The following CLIC5 variants were observed in gnomAD, a reference collection of about 807,000 sequenced individuals.
CLIC5 encodes CLIC family member 5.
A neutral mutation model predicts 24.7 loss-of-function variants in CLIC5; 20 were observed. The ratio of observed to expected loss-of-function variants is 0.81; its 90% CI spans 0.57 to 1.18. The LOEUF (loss-of-function observed/expected upper bound fraction) is 1.18, where lower values mean the gene tolerates loss of function less well. Among genes scored for constraint, CLIC5 ranks in the 50% most tolerant of loss-of-function variants. The probability of loss-of-function intolerance (pLI) is 0.00; values close to 1 mark genes in which losing one functional copy is unlikely to be tolerated. For synonymous variants in CLIC5, 159 were observed against 135.6 expected, an observed-to-expected ratio of 1.17 and a Z score of -1.20; for missense variants, 341 against 326.1, an observed-to-expected ratio of 1.05 and a Z score of -0.35.
chr6:46,027,303 G>A (rs1347869430), intron 1 of CLIC5, among the ~76,000 whole-genome samples: 2 of 152,176 alleles, frequency 1.3e-5, no homozygotes, highest in African/African-American at 4.8e-5. Context: ...CCTGAAAGAT[G>A]AAAAGGAGCT....
chr6:45,968,560 C>G (rs2127401134), intron 1 of CLIC5, among the ~76,000 whole-genome samples: 1 of 152,252 alleles, frequency 6.6e-6, no homozygotes, highest in African/African-American at 2.4e-5. Flanking sequence ...ATGGATGCCC[C>G]AGACCAAAGG....
At chr6:45,988,985 C>T (rs1418745965) in intron 1 of CLIC5, among the ~76,000 whole-genome samples, 1 of 152,196 alleles carries the variant, frequency 6.6e-6, no homozygotes, top group East Asian at 1.9e-4. Context: ...ACCTAGGGTC[C>T]AAGGCTCTCC....
At chr6:46,105,884 C>T in the CLIC5 span, among the ~76,000 whole-genome samples, 47,842 of 152,018 alleles carry the variant, frequency 0.31, 7,955 homozygotes, top group Middle Eastern at 0.45. Flanking sequence ...TCACTACAGG[C>T]GGCTATGTAT....
the CLIC5 span, among the ~76,000 whole-genome samples, chr6:46,089,036 A>G: frequency 2.0e-5 from 3 of 152,186 alleles, no homozygotes; most frequent in Admixed American, 6.5e-5. Flanking sequence ...AAATTTACCT[A>G]TTAATAGATA....
chr6:46,076,998 A>T (rs1762788339), intron 1 of CLIC5, among the ~76,000 whole-genome samples: 1 of 151,962 alleles, frequency 6.6e-6, no homozygotes, highest in African/African-American at 2.4e-5. Context: ...TTACCTGGGC[A>T]TGGTGGCGCA....
chr6:45,943,430 C>A (rs1287248460), intron 3 of CLIC5, among the ~76,000 whole-genome samples: 2 of 152,204 alleles, frequency 1.3e-5, no homozygotes, highest in Non-Finnish European at 2.9e-5. Flanking sequence ...TGGCTGGGGG[C>A]ACACAGCAGG....
At chr6:46,077,102 A>G (rs539772479) in intron 1 of CLIC5, among the ~76,000 whole-genome samples, 11 of 152,250 alleles carry the variant, frequency 7.2e-5, no homozygotes, top group African/African-American at 2.6e-4. Context: ...AAAAAAAAAA[A>G]GTGCATGGGA....
chr6:46,003,834 T>A (rs1172375242), intron 1 of CLIC5, among the ~76,000 whole-genome samples: 2 of 152,206 alleles, frequency 1.3e-5, no homozygotes, highest in Non-Finnish European at 2.9e-5. Flanking sequence ...CTCATGCCTG[T>A]GCAAGGCTGG....
intron 1 of CLIC5, among the ~76,000 whole-genome samples, chr6:45,976,292 G>C (rs1355401346): frequency 2.6e-5 from 4 of 152,186 alleles, no homozygotes; most frequent in Admixed American, 6.5e-5. Context: ...CATCGGAAAA[G>C]TGTCCTTTCA....
chr6:46,119,487 T>C, the CLIC5 span, among the ~76,000 whole-genome samples: 1 of 152,212 alleles, frequency 6.6e-6, no homozygotes, highest in African/African-American at 2.4e-5. Context: ...ACAGCTCCAG[T>C]CTACAGCTCC....
At chr6:45,908,442 G>A (rs1363248771) in intron 5 of CLIC5, among the ~76,000 whole-genome samples, 1 of 152,040 alleles carries the variant, frequency 6.6e-6, no homozygotes, top group Non-Finnish European at 1.5e-5. Flanking sequence ...TATTGCTTTT[G>A]CTACATCCTA....
chr6:45,898,728 T>A lies in CLIC5; in HGVS notation c.*4360A>T, dbSNP rs1762436432. The A allele has an allele frequency of 6.6e-6, 1 of 152,652 alleles. No homozygotes were observed. The highest frequency in any genetic ancestry group is 2.1e-4 in the South Asian group (1 of 4,836). 9.5% of individuals were successfully genotyped at this position (152,652 alleles called of 1,614,324 possible). A position where few individuals can be genotyped will look rare whatever the true frequency, so the allele number is the denominator to read the frequency against. On this transcript the variant is annotated 3_prime_UTR_variant, in exon 6 of 6. Coordinates refer to ENST00000339561, the MANE Select transcript of CLIC5 (RefSeq NM_016929.5). ...AGCTAAGCATCTTTTGTTAAGCTAG[T>A]TAACTCCCCAGCTTATAAAATAGGA...
chr6:46,118,840 C>A, the CLIC5 span, among the ~76,000 whole-genome samples: 6 of 152,082 alleles, frequency 3.9e-5, no homozygotes, highest in Non-Finnish European at 8.8e-5. Context: ...AGTTACCTTA[C>A]GTGATAAAGG....
At chr6:46,045,349 GTTA>G (rs1280897477) in intron 1 of CLIC5, among the ~76,000 whole-genome samples, 3 of 152,108 alleles carry the variant, frequency 2.0e-5, no homozygotes, top group African/African-American at 7.2e-5. Flanking sequence ...TAACCACCGA[GTTA>G]TTATTATTTT....
At chr6:45,960,645 C>T (rs939624718) in intron 1 of CLIC5, among the ~76,000 whole-genome samples, 1 of 152,234 alleles carries the variant, frequency 6.6e-6, no homozygotes, top group Non-Finnish European at 1.5e-5. Context: ...CCAAAGTCCC[C>T]ATTAAGCCTA....
chr6:45,916,181 G>A (rs545835306), intron 4 of CLIC5, among the ~76,000 whole-genome samples: 33 of 152,334 alleles, frequency 2.2e-4, no homozygotes, highest in African/African-American at 7.0e-4. Flanking sequence ...AAACTGCCTG[G>A]AGGTTGGGCA....
chr6:45,937,491 AGTT>A (rs1763980189), intron 4 of CLIC5: 2 of 152,344 alleles, frequency 1.3e-5, no homozygotes, highest in Middle Eastern at 3.4e-3. Context: ...TCTTGGGTAA[AGTT>A]GTGCAGCTAG....
chr6:46,093,884 T>C, the CLIC5 span, among the ~76,000 whole-genome samples: 1 of 152,222 alleles, frequency 6.6e-6, no homozygotes, highest in African/African-American at 2.4e-5. Context: ...TGTAAAGAAA[T>C]ACCTGACACC....
At chr6:46,061,661 G>C (rs1436993956) in intron 1 of CLIC5, among the ~76,000 whole-genome samples, 2 of 152,346 alleles carry the variant, frequency 1.3e-5, no homozygotes, top group Non-Finnish European at 2.9e-5. Context: ...GACACTTAAT[G>C]GGCCTGGACG....
Sources: gnomAD v4.1 joint callset for allele counts (sites outside exome capture counted in the v4.1 genomes callset) on GRCh38, gnomAD v4.1.1 for gene constraint, MANE v1.5 for transcripts, NCBI Gene and HGNC (gene_info 2026-07-23, HGNC 2026-07-21) for gene names.